TDRD12: variants seen among roughly 807,000 people sequenced by gnomAD.
TDRD12 encodes putative ATP-dependent RNA helicase TDRD12.
In TDRD12, 158 loss-of-function variants were observed where a neutral mutation model predicts 133.5. The ratio of observed to expected loss-of-function variants is 1.18; its 90% CI spans 1.04 to 1.35. The LOEUF (loss-of-function observed/expected upper bound fraction) is 1.35, where lower values mean the gene tolerates loss of function less well. TDRD12 is among the 40% of genes most tolerant of loss of function. The pLI is 0.00. For missense variants in TDRD12, 1,443 were observed against 1,321.3 expected, an observed-to-expected ratio of 1.09 and a Z score of -1.43; for synonymous variants, 460 against 477.9, an observed-to-expected ratio of 0.96 and a Z score of 0.49.
intron 10 of TDRD12, among the ~76,000 whole-genome samples, chr19:32,775,273 T>C (rs1456509520): frequency 6.6e-6 from 1 of 152,172 alleles, no homozygotes; most frequent in Non-Finnish European, 1.5e-5. Context: ...TGTACATTCA[T>C]TATCTTCTGT....
At chr19:32,810,217 C>T in exon 23 of TDRD12, 4 of 1,535,320 alleles carry the variant, frequency 2.6e-6, no homozygotes, top group Non-Finnish European at 3.5e-6. Flanking sequence ...AATAAAACAA[C>T]TGTGGAAAAG....
chr19:32,733,993 G>A (rs796951204), intron 2 of TDRD12, among the ~76,000 whole-genome samples: 5 of 150,902 alleles, frequency 3.3e-5, no homozygotes, highest in East Asian at 2.0e-4. Context: ...CCGGGTTCAC[G>A]CCGTTCTCCC....
intron 21 of TDRD12, among the ~76,000 whole-genome samples, chr19:32,805,921 G>A (rs1193623334): frequency 3.3e-5 from 5 of 151,632 alleles, no homozygotes; most frequent in Admixed American, 6.6e-5. Context: ...TAGTAGAGAC[G>A]GGGTTTCACC....
downstream of TDRD12, among the ~76,000 whole-genome samples, chr19:32,825,724 A>G (rs546480793): frequency 2.0e-5 from 3 of 152,244 alleles, no homozygotes; most frequent in Middle Eastern, 3.4e-3. This position sits in a 1 kb window ranked among gnomAD's most constrained non-coding sequence, Gnocchi z 4.1. Context: ...CCTACTAAAA[A>G]TACAATATTA....
chr19:32,734,651 G>A (rs1049597225), intron 2 of TDRD12, among the ~76,000 whole-genome samples: 3 of 152,124 alleles, frequency 2.0e-5, no homozygotes, highest in African/African-American at 7.2e-5. Flanking sequence ...GGGATTACAG[G>A]CATGAATCAC....
chr19:32,798,182 C>A, intron 15 of TDRD12, 126 bp from the exon 16 acceptor site: 2 of 892,618 alleles, frequency 2.2e-6, no homozygotes, highest in Non-Finnish European at 3.4e-6. Context: ...ATGGGGTTGA[C>A]TAGGACAGAA....
intron 1 of TDRD12, among the ~76,000 whole-genome samples, chr19:32,728,869 G>A (rs1446787388): frequency 2.8e-5 from 4 of 145,248 alleles, no homozygotes; most frequent in South Asian, 2.2e-4. Flanking sequence ...GGATGGTTTC[G>A]ATCTCCTAAC....
intron 11 of TDRD12, among the ~76,000 whole-genome samples, chr19:32,781,043 C>T (rs959833962): frequency 8.4e-4 from 126 of 150,768 alleles, no homozygotes; most frequent in African/African-American, 2.8e-3. Context: ...CCTGGGTTCA[C>T]GCCATTCTCC....
chr19:32,800,017 A>G, intron 16 of TDRD12, 150 bp from the exon 17 acceptor site: 1 of 579,176 alleles, frequency 1.7e-6, no homozygotes. Context: ...TACAGACGTG[A>G]GCCACCACAC....
chr19:32,748,625 T>G, intron 5 of TDRD12, 94 bp downstream of exon 5: 1 of 1,306,520 alleles, frequency 7.7e-7, no homozygotes, highest in Middle Eastern at 2.1e-4. Context: ...ATGCCCCTGT[T>G]GGCCAAACGG....
At chr19:32,785,608 AG>A (rs1440381463) in intron 11 of TDRD12, among the ~76,000 whole-genome samples, 1 of 152,046 alleles carries the variant, frequency 6.6e-6, no homozygotes, top group East Asian at 1.9e-4. Flanking sequence ...ATCTCTTTGT[AG>A]GTCTCTTAAG....
Position 32,795,729 on chromosome 19 carries a change from T to TGAA in TDRD12, c.1473+917_1473+918insAAG, listed in dbSNP as rs1220443036. Among the ~76,000 whole-genome samples, 3 of 152,238 alleles carry TGAA rather than the reference T, an allele frequency of 2.0e-5. No individual in the cohort carries two copies. The East Asian group carries it at 5.8e-4, about 29-fold the overall frequency. ...GAGAGGCTTAACTGGCTCATGGTTC[T>TGAA]GCAGGCTGGAGCGGAAGCATGATGC... On this transcript the variant is annotated intron_variant, in intron 14 of 27. Coordinates refer to ENST00000444215, the Ensembl canonical transcript of TDRD12.
downstream of TDRD12, among the ~76,000 whole-genome samples, chr19:32,822,248 G>A (rs1050748081): frequency 6.6e-6 from 1 of 152,212 alleles, no homozygotes; most frequent in Non-Finnish European, 1.5e-5. Context: ...TGGCCAACAT[G>A]TTGGAACCCC....
intron 3 of TDRD12, among the ~76,000 whole-genome samples, chr19:32,740,320 A>G (rs1232908603): frequency 4.5e-4 from 24 of 53,538 alleles, no homozygotes; most frequent in South Asian, 7.3e-4. Flanking sequence ...TCTCCTGGGT[A>G]CTCTCTGCAT....
Position 32,821,013 on chromosome 19 carries a change from C to A in TDRD12, c.3384-20C>A. ...GTTCCTGTAGAGAGCCAGGTGTTAA[C>A]CCCTGCCTCTCCCGTCTAGGACGCC... On this transcript the variant is annotated intron_variant, in intron 27 of 27. Transcript: ENST00000444215. 1 of 1,531,656 alleles carries A rather than the reference C, an allele frequency of 6.5e-7. No individual in the cohort carries two copies. Among genetic ancestry groups the A allele is most frequent in the Non-Finnish European group, 8.7e-7 (1 of 1,144,098 alleles). 94.9% of individuals were successfully genotyped at this position (1,531,656 alleles called of 1,614,324 possible). A position where few individuals can be genotyped will look rare whatever the true frequency, so the allele number is the denominator to read the frequency against.
intron 21 of TDRD12, among the ~76,000 whole-genome samples, chr19:32,803,490 G>T (rs2145706360): frequency 6.6e-6 from 1 of 152,300 alleles, no homozygotes; most frequent in South Asian, 2.1e-4. Flanking sequence ...GTATCACAGT[G>T]TGTGTATCCA....
rs112186016 is a variant in TDRD12, at chr19:32,791,638, C to T, written c.1287+570C>T. Among the ~76,000 whole-genome samples the T allele has an allele frequency of 1.1e-3, 172 of 152,138 alleles. 2 individuals carry two copies. Among genetic ancestry groups the T allele is most frequent in the African/African-American group, 3.6e-3 (150 of 41,496 alleles). ...GCCTCTTCAGGGAAGGAGTGCTTTG[C>T]GAGCGAGGGGAGCGTGAACCACCAG... is the stretch of plus-strand genomic sequence containing the variant. On this transcript the variant is annotated intron_variant, in intron 13 of 27. Transcript: ENST00000444215.
exon 1 of TDRD12, chr19:32,720,045 G>T: frequency 6.5e-7 from 1 of 1,547,818 alleles, no homozygotes; most frequent in East Asian, 2.4e-5. Context: ...AGGGCGAGGG[G>T]GCCCATCTGC....
chr19:32,824,793 T>C (rs1967531092), downstream of TDRD12, among the ~76,000 whole-genome samples: 1 of 151,934 alleles, frequency 6.6e-6, no homozygotes, highest in Non-Finnish European at 1.5e-5. Flanking sequence ...ACACAGATGT[T>C]TAGGAAGCCC....
Sources: gnomAD v4.1 joint callset for allele counts (sites outside exome capture counted in the v4.1 genomes callset) on GRCh38, gnomAD v4.1.1 for gene constraint, Gnocchi (gnomAD v3.1) non-coding constraint, MANE v1.5 for transcripts, NCBI Gene and HGNC (gene_info 2026-07-23, HGNC 2026-07-21) for gene names.